The following ZC3H13 variants were observed in gnomAD, a reference collection of about 807,000 sequenced individuals.
ZC3H13 encodes the protein zinc finger CCCH domain-containing protein 13.
A neutral mutation model predicts 204.1 loss-of-function variants in ZC3H13; 64 were observed. That is an observed-to-expected ratio of 0.31 (90% CI 0.26 to 0.39). The LOEUF is 0.39. Among genes scored for constraint, ZC3H13 ranks in the 10% least tolerant of loss-of-function variants. The pLI is 1.00. For synonymous variants in ZC3H13, 667 were observed against 693.7 expected (o/e 0.96, Z 0.60); for missense variants, 1,833 against 2,082.7 (o/e 0.88, Z 2.33).
intron 5 of ZC3H13, among the ~76,000 whole-genome samples, chr13:46,018,542 CT>C (rs2042048258): frequency 6.6e-6 from 1 of 151,980 alleles, no homozygotes. Context: ...GGAAGGAGGC[CT>C]CTTACACAGA....
chr13:46,015,847 T>C (rs867401766), intron 5 of ZC3H13, among the ~76,000 whole-genome samples: 1 of 151,908 alleles, frequency 6.6e-6, no homozygotes, highest in African/African-American at 2.4e-5. Flanking sequence ...CTGCAACTCA[T>C]AGAGTGGGAG....
At position 46,029,337 on chromosome 13, in the gene ZC3H13, T is replaced by C. The variant is rs564598263; in HGVS notation, c.340-8780A>G. ...ACCTTTCAAAACAGAAAGCACCAGA[T>C]GGTTTATAGGTAAAGTCTACCAAAT... is the stretch of plus-strand genomic sequence containing the variant. On this transcript the variant is annotated intron_variant, in intron 4 of 18. Coordinates refer to ENST00000679008, the MANE Select transcript of ZC3H13 (RefSeq NM_001330564.2). Among the ~76,000 whole-genome samples, 3 of 152,216 alleles carry C rather than the reference T, an allele frequency of 2.0e-5. No individual in the cohort carries two copies. In the East Asian group the frequency reaches 5.8e-4, roughly 29 times the overall value.
intron 1 of ZC3H13, among the ~76,000 whole-genome samples, chr13:46,046,500 T>TA (rs2043971166): frequency 3.9e-5 from 1 of 25,734 alleles, no homozygotes. Flanking sequence ...CTACTAAAAA[T>TA]ACAAAAAAAA....
At chr13:46,034,874 T>C (rs192711598) in intron 4 of ZC3H13, among the ~76,000 whole-genome samples, 1 of 152,308 alleles carries the variant, frequency 6.6e-6, no homozygotes, top group Admixed American at 6.5e-5. Context: ...TAAAAACTCA[T>C]GGTTAGCTTA....
chr13:46,038,936 C>T (rs1380716302), intron 4 of ZC3H13, among the ~76,000 whole-genome samples: 4 of 152,070 alleles, frequency 2.6e-5, no homozygotes, highest in East Asian at 1.9e-4. Context: ...GCTGGAGAAT[C>T]GCTTGAACCT....
rs909071900 is a variant in ZC3H13, at chr13:46,052,525, A to T, written c.-131T>A. Reference sequence around the variant, plus strand: ...CCCAGGAGGACGACGACGAGGAGAAAGCGATGCGCGCGCGGCTCCCGGGAA... The same window carrying T: ...CCCAGGAGGACGACGACGAGGAGAATGCGATGCGCGCGCGGCTCCCGGGAA... On this transcript the variant is annotated 5_prime_UTR_variant, in exon 1 of 19. Transcript: ENST00000679008. 7.5e-6 allele frequency: 3 copies of T among 398,480 alleles called. No individual in the cohort carries two copies. The highest frequency in any genetic ancestry group is 1.3e-5 in the Non-Finnish European group (3 of 226,142). The allele number at this position is 398,480 out of a possible 1,614,324, so 24.7% of individuals were successfully genotyped here.
intron 11 of ZC3H13, among the ~76,000 whole-genome samples, chr13:45,977,752 T>C (rs962933993): frequency 6.6e-6 from 1 of 152,130 alleles, no homozygotes; most frequent in East Asian, 1.9e-4. Context: ...GTCTAACTAA[T>C]TGGTATCCTT....
intron 5 of ZC3H13, among the ~76,000 whole-genome samples, chr13:46,013,715 A>G (rs2041727690): frequency 6.6e-6 from 1 of 152,232 alleles, no homozygotes; most frequent in African/African-American, 2.4e-5. Context: ...GCTTCAGGTT[A>G]TCACTACAAT....
At chr13:45,991,756 G>C (rs1450864689) in intron 8 of ZC3H13, among the ~76,000 whole-genome samples, 1 of 152,142 alleles carries the variant, frequency 6.6e-6, no homozygotes, top group Non-Finnish European at 1.5e-5. Context: ...AGAGCACTGT[G>C]ATTTATTGTA....
chr13:46,012,559 G>C (rs1171351985), intron 5 of ZC3H13, among the ~76,000 whole-genome samples: 4 of 152,160 alleles, frequency 2.6e-5, no homozygotes, highest in Non-Finnish European at 5.9e-5. Context: ...GCATTAGAAT[G>C]ACAACTATCC....
Position 45,956,417 on chromosome 13 carries a change from T to C in ZC3H13, c.*710A>G, listed in dbSNP as rs1215825105. Reference sequence around the variant, plus strand: ...ATGTTCTAGATCATCAGGAATAAGATTAACGAAGAGCAAAGTAAATCTAAA... The same window carrying C: ...ATGTTCTAGATCATCAGGAATAAGACTAACGAAGAGCAAAGTAAATCTAAA... On this transcript the variant is annotated 3_prime_UTR_variant, in exon 19 of 19. Coordinates refer to ENST00000679008, the MANE Select transcript of ZC3H13 (RefSeq NM_001330564.2). 1 of 152,036 alleles carries C rather than the reference T, an allele frequency of 6.6e-6. No individual in the cohort carries two copies. The highest frequency in any genetic ancestry group is 1.5e-5 in the Non-Finnish European group (1 of 67,986). The allele number at this position is 152,036 out of a possible 1,614,324, so 9.4% of individuals were successfully genotyped here.
intron 11 of ZC3H13, among the ~76,000 whole-genome samples, chr13:45,978,566 A>G (rs1953264932): frequency 6.6e-6 from 1 of 152,016 alleles, no homozygotes; most frequent in South Asian, 2.1e-4. Context: ...TTACAAGGAT[A>G]TTGTAAAGAC....
chr13:45,959,269 T>TTTTAAAC (rs1951506954), intron 18 of ZC3H13, among the ~76,000 whole-genome samples: 1 of 152,212 alleles, frequency 6.6e-6, no homozygotes, highest in Non-Finnish European at 1.5e-5. Context: ...AAATGGAATA[T>TTTTAAAC]TTTAAACTTT....
In ZC3H13 at chr13:46,045,432, C is replaced by T. The variant is rs1245548013; in HGVS notation, c.76G>A (p.Val26Ile). 1 of 1,614,100 alleles carries T rather than the reference C, an allele frequency of 6.2e-7. No homozygotes were observed. Residue 26 changes from valine (V) to isoleucine (I), a missense_variant, in exon 2 of 19, where the codon GTA (valine) becomes ATA (isoleucine). Physicochemically the swap from Val to Ile is conservative, Grantham distance 29 (BLOSUM62 3). Coordinates refer to ENST00000679008, the MANE Select transcript of ZC3H13 (RefSeq NM_001330564.2). ...ISDSTSRRPS[V>I]FERLGPSTGS... The stretch of plus-strand genomic sequence containing the variant: ...GTGCTGGGTCCAAGCCTCTCAAATA[C>T]ACTGGGTCTTCGGGATGTGCTATCA...
intron 8 of ZC3H13, among the ~76,000 whole-genome samples, chr13:45,995,192 C>T (rs1342386089): frequency 1.3e-5 from 2 of 152,082 alleles, no homozygotes; most frequent in East Asian, 3.8e-4. Flanking sequence ...TAGGATTAAA[C>T]TTCCGAACCA....
chr13:45,966,083 T>C (rs1952058087), intron 15 of ZC3H13, among the ~76,000 whole-genome samples: 1 of 152,164 alleles, frequency 6.6e-6, no homozygotes, highest in East Asian at 1.9e-4. Context: ...GTGTATGTTC[T>C]ATTTTTTTAT....
intron 7 of ZC3H13, among the ~76,000 whole-genome samples, chr13:46,004,731 A>G (rs2041009932): frequency 1.3e-5 from 2 of 152,164 alleles, no homozygotes; most frequent in Non-Finnish European, 2.9e-5. Context: ...CTGTCAGTAT[A>G]TATTCATCAT....
At chr13:45,996,352 A>G (rs2040332494) in intron 8 of ZC3H13, among the ~76,000 whole-genome samples, 1 of 152,210 alleles carries the variant, frequency 6.6e-6, no homozygotes. Flanking sequence ...AAATAAACTT[A>G]ATTTCCCTTT....
chr13:46,037,404 T>C (rs989076964), intron 4 of ZC3H13, among the ~76,000 whole-genome samples: 3 of 152,198 alleles, frequency 2.0e-5, no homozygotes, highest in South Asian at 2.1e-4. Context: ...ACAAAGCTTC[T>C]ACTAAGAGAT....
Sources: gnomAD v4.1 joint callset for allele counts (sites outside exome capture counted in the v4.1 genomes callset) on GRCh38, gnomAD v4.1.1 for gene constraint, MANE v1.5 for transcripts, NCBI Gene and HGNC (gene_info 2026-07-23, HGNC 2026-07-21) for gene names.